Variants in NKX1-2 observed in about 807,000 individuals in gnomAD.
NKX1-2 encodes the protein NK1 transcription factor-related protein 2.
In NKX1-2, 1 loss-of-function variant was observed where a neutral mutation model predicts 4.4. That is an observed-to-expected ratio of 0.23 (90% CI 0.08 to 1.08). The LOEUF is 1.08. NKX1-2 is among the 50% of genes least tolerant of loss of function. NKX1-2 has a pLI of 0.55. For missense variants in NKX1-2, 503 were observed against 464.6 expected (o/e 1.08, Z -0.76); for synonymous variants, 235 against 228.0 (o/e 1.03, Z -0.28).
At position 124,447,705 on chromosome 10, in the gene NKX1-2, C is replaced by A; in HGVS notation, c.657G>T (p.Lys219Asn). The A allele has an allele frequency of 6.9e-7, 1 of 1,455,206 alleles. No individual in the cohort carries two copies. The highest frequency in any genetic ancestry group is 9.1e-7 in the Non-Finnish European group (1 of 1,094,528). The allele number at this position is 1,455,206 out of a possible 1,614,324, so 90.1% of individuals were successfully genotyped here. ...IWFQNRRTKW[K>N]KQNPGADGAA... The stretch of plus-strand genomic sequence containing the variant: ...CGCCGTCGGCACCCGGGTTCTGCTT[C>A]TTCCACTTGGTCCTGCGATTCTGGA... Residue 219 changes from lysine to asparagine, a missense_variant, in exon 2 of 2, where the codon AAG becomes AAT. Lys to Asn is a moderately conservative substitution (Grantham distance 94). Coordinates refer to ENST00000451024, the MANE Select transcript of NKX1-2 (RefSeq NM_001146340.3).
chr10:124,447,453 G>T lies in NKX1-2; in HGVS notation c.909C>A (p.Thr303=), dbSNP rs189534957. The T allele has an allele frequency of 1.0e-5, 13 of 1,258,044 alleles. No individual in the cohort carries two copies. The African/African-American group carries it at 1.9e-4, about 18-fold the overall frequency. The allele number at this position is 1,258,044 out of a possible 1,614,324, so 77.9% of individuals were successfully genotyped here. A position where few individuals can be genotyped will look rare whatever the true frequency, so the allele number is the denominator to read the frequency against. Residue 303 remains threonine (T), a synonymous_variant, in exon 2 of 2, where the codon ACC becomes ACA. Transcript: ENST00000451024. The part of the protein sequence containing the change: ...FAPFLGPSYL[T]PFYAPRL ...TTCATAGACGCGGGGCGTAGAAGGG[G>T]GTCAGGTAGGAAGGCCCAAGGAACG...
rs1219346751 is a variant in NKX1-2, at chr10:124,449,781, C to T, written c.163G>A (p.Ala55Thr). ...EARKSLAEVE[A>T]GKDASSRDPV... The stretch of plus-strand genomic sequence containing the variant: ...TCCCTGGAGCTGGCATCTTTCCCCG[C>T]TTCGACCTCCGCCAAACTTTTCCTG... Residue 55 changes from alanine to threonine, a missense_variant, in exon 1 of 2, where the codon GCG becomes ACG. Coordinates refer to ENST00000451024, the MANE Select transcript of NKX1-2 (RefSeq NM_001146340.3). The surrounding 1 kb of genome is among the most constrained non-coding windows in gnomAD (Gnocchi z 7.5). The T allele has an allele frequency of 6.4e-7, 1 of 1,551,734 alleles. No homozygotes were observed. Among genetic ancestry groups the T allele is most frequent in the Non-Finnish European group, 8.7e-7 (1 of 1,146,992 alleles).
rs1162253258 is a variant in NKX1-2, at chr10:124,448,065, C to A, written c.297G>T (p.Arg99Ser). The part of the protein sequence containing the change: ...AEEEEDAEDP[R>S]RPRLRERAAR... Reference sequence around the variant, plus strand: ...CAGCCCGCTCCCGCAGCCGCGGCCTCCTCGGATCCTCCGCATCCTCCTCCT... The same window carrying A: ...CAGCCCGCTCCCGCAGCCGCGGCCTACTCGGATCCTCCGCATCCTCCTCCT... The change falls in exon 2 of 2, where the codon AGG (arginine) becomes AGT (serine). Residue 99 changes from arginine (R) to serine (S), a missense_variant. Coordinates refer to ENST00000451024, the MANE Select transcript of NKX1-2 (RefSeq NM_001146340.3). This position sits in a 1 kb window ranked among gnomAD's most constrained non-coding sequence, Gnocchi z 4.1. 6.6e-7 allele frequency: 1 copy of A among 1,522,232 alleles called. No individual in the cohort carries two copies. Among genetic ancestry groups the A allele is most frequent in the Non-Finnish European group, 8.8e-7 (1 of 1,140,120 alleles). 94.3% of individuals were successfully genotyped at this position (1,522,232 alleles called of 1,614,324 possible). A position where few individuals can be genotyped will look rare whatever the true frequency, so the allele number is the denominator to read the frequency against.
chr10:124,447,584 C>A lies in NKX1-2; in HGVS notation c.778G>T (p.Ala260Ser). 2 of 1,271,178 alleles carry A rather than the reference C, an allele frequency of 1.6e-6. No homozygotes were observed. The highest frequency in any genetic ancestry group is 2.0e-6 in the Non-Finnish European group (2 of 1,007,216). 78.7% of individuals were successfully genotyped at this position (1,271,178 alleles called of 1,614,324 possible). ...GAGGGGAAAGTCTGGAAGTGCAGAGCGCCGGTGCCGGGAGGGCCAGGACTG... is the reference window on the plus strand; with the variant it reads ...GAGGGGAAAGTCTGGAAGTGCAGAGAGCCGGTGCCGGGAGGGCCAGGACTG... ...GGSPGPPGTG[A>S]LHFQTFPSYS... The change falls in exon 2 of 2, where the codon GCT becomes TCT. Residue 260 changes from alanine (A) to serine (S), a missense_variant. By Grantham distance (99) the Ala-to-Ser change is moderately conservative. Transcript: ENST00000451024.
At position 124,450,004 on chromosome 10, in the gene NKX1-2, T is replaced by C. The variant is rs1420501932; in HGVS notation, c.-61A>G. 5 of 1,158,306 alleles carry C rather than the reference T, an allele frequency of 4.3e-6. No individual in the cohort carries two copies. The African/African-American group carries it at 4.9e-5, about 11-fold the overall frequency. 71.8% of individuals were successfully genotyped at this position (1,158,306 alleles called of 1,614,324 possible). A position where few individuals can be genotyped will look rare whatever the true frequency, so the allele number is the denominator to read the frequency against. ...GGTTGGGGATGGCGCCGCTCGGGCT[T>C]GCCTTCGGCTGTGGCTTGGCGGTAG... On this transcript the variant is annotated 5_prime_UTR_variant, in exon 1 of 2. Transcript: ENST00000451024.
chr10:124,449,846 C>G lies in NKX1-2; in HGVS notation c.98G>C (p.Arg33Pro), dbSNP rs560713656. Residue 33 changes from arginine to proline, a missense_variant, in exon 1 of 2, where the codon CGC becomes CCC. Transcript: ENST00000451024. The surrounding 1 kb of genome is among the most constrained non-coding windows in gnomAD (Gnocchi z 7.5). ...CGGGCGCACGGCAGGGAGCGCTGCG[C>G]GGGTGAATTTCTGTGGGTCCAGGAT... ...LDILDPQKFT[R>P]AALPAVRPAP... The G allele has an allele frequency of 9.0e-6, 14 of 1,551,624 alleles. No individual in the cohort carries two copies. Among genetic ancestry groups the G allele is most frequent in the Admixed American group, 5.9e-5 (3 of 51,014 alleles).
rs920125275 is a variant in NKX1-2 at position 124,448,870 on chromosome 10, G to A, written c.215-723C>T. 6.6e-6 allele frequency among the ~76,000 whole-genome samples: 1 copy of A among 152,172 alleles called. No homozygotes were observed. Among genetic ancestry groups the A allele is most frequent in the Non-Finnish European group, 1.5e-5 (1 of 68,034 alleles). On this transcript the variant is annotated intron_variant, in intron 1 of 1. Transcript: ENST00000451024. The surrounding 1 kb of genome is among the most constrained non-coding windows in gnomAD (Gnocchi z 4.1). ...AACAATTACCAGGCCGCCTGCCTGG[G>A]CCCAAGTGCGGCCGCCAGAGGCGCC...
chr10:124,447,664 C>A lies in NKX1-2; in HGVS notation c.698G>T (p.Gly233Val). 2 of 1,377,706 alleles carry A rather than the reference C, an allele frequency of 1.5e-6. No individual in the cohort carries two copies. The highest frequency in any genetic ancestry group is 1.9e-6 in the Non-Finnish European group (2 of 1,054,790). 85.3% of individuals were successfully genotyped at this position (1,377,706 alleles called of 1,614,324 possible). A position where few individuals can be genotyped will look rare whatever the true frequency, so the allele number is the denominator to read the frequency against. ...CGCCGCCCCTGGCTGGGGCGCGCCACCCCCCACCTGCGCCGCGCCGTCGGC... is the reference window on the plus strand; with the variant it reads ...CGCCGCCCCTGGCTGGGGCGCGCCAACCCCCACCTGCGCCGCGCCGTCGGC... ...PGADGAAQVGGGAPQPGAAGG... is the reference protein window; with the variant it reads ...PGADGAAQVGVGAPQPGAAGG... The change falls in exon 2 of 2, where the codon GGT becomes GTT. Residue 233 changes from glycine (G) to valine (V), a missense_variant. Gly to Val is a moderately radical substitution (Grantham distance 109). Coordinates refer to ENST00000451024, the MANE Select transcript of NKX1-2 (RefSeq NM_001146340.3).
At position 124,447,553 on chromosome 10, in the gene NKX1-2, G is replaced by A. The variant is rs1952252180; in HGVS notation, c.809C>T (p.Ser270Phe). 1.6e-6 allele frequency: 2 copies of A among 1,276,184 alleles called. No homozygotes were observed. Among genetic ancestry groups the A allele is most frequent in the Non-Finnish European group, 2.0e-6 (2 of 1,008,934 alleles). 79.1% of individuals were successfully genotyped at this position (1,276,184 alleles called of 1,614,324 possible). Residue 270 changes from serine (S) to phenylalanine (F), a missense_variant, in exon 2 of 2, where the codon TCC (serine) becomes TTC (phenylalanine). Coordinates refer to ENST00000451024, the MANE Select transcript of NKX1-2 (RefSeq NM_001146340.3). ...ALHFQTFPSY[S>F]AANVLFPSAA... ...GGACGGGAAGAGGACATTGGCCGCG[G>A]AGTAGGAGGGGAAAGTCTGGAAGTG...
chr10:124,447,445 T>A lies in NKX1-2; in HGVS notation c.917A>T (p.Tyr306Phe), dbSNP rs777437629. 2.2e-5 allele frequency: 28 copies of A among 1,253,320 alleles called. No homozygotes were observed. In the East Asian group the frequency reaches 8.5e-4, roughly 38 times the overall value. The allele number at this position is 1,253,320 out of a possible 1,614,324, so 77.6% of individuals were successfully genotyped here. A position where few individuals can be genotyped will look rare whatever the true frequency, so the allele number is the denominator to read the frequency against. Residue 306 changes from tyrosine to phenylalanine, a missense_variant, in exon 2 of 2, where the codon TAC becomes TTC. Physicochemically the swap from Tyr to Phe is conservative, Grantham distance 22. Coordinates refer to ENST00000451024, the MANE Select transcript of NKX1-2 (RefSeq NM_001146340.3). ...FLGPSYLTPF[Y>F]APRL ...GCTCCGGATTCATAGACGCGGGGCG[T>A]AGAAGGGGGTCAGGTAGGAAGGCCC... is the stretch of plus-strand genomic sequence containing the variant.
rs2133790861 is a variant in NKX1-2 at position 124,447,328 on chromosome 10, C to G, written c.*101G>C. ...GGTGCGCGCGGCGGGCAGGGGTGCGCTGACACCCGCGCACCTGCACCCCCG... is the reference window on the plus strand; with the variant it reads ...GGTGCGCGCGGCGGGCAGGGGTGCGGTGACACCCGCGCACCTGCACCCCCG... On this transcript the variant is annotated 3_prime_UTR_variant, in exon 2 of 2. Coordinates refer to ENST00000451024, the MANE Select transcript of NKX1-2 (RefSeq NM_001146340.3). The G allele has an allele frequency of 1.4e-6, 1 of 713,908 alleles. No individual in the cohort carries two copies. Among genetic ancestry groups the G allele is most frequent in the Non-Finnish European group, 1.9e-6 (1 of 522,898 alleles). 44.2% of individuals were successfully genotyped at this position (713,908 alleles called of 1,614,324 possible).
At position 124,447,634 on chromosome 10, in the gene NKX1-2, C is replaced by T. The variant is rs1208853251; in HGVS notation, c.728G>A (p.Gly243Asp). The T allele has an allele frequency of 7.8e-7, 1 of 1,283,436 alleles. No homozygotes were observed. Among genetic ancestry groups the T allele is most frequent in the Non-Finnish European group, 9.8e-7 (1 of 1,015,860 alleles). 79.5% of individuals were successfully genotyped at this position (1,283,436 alleles called of 1,614,324 possible). ...GGAPQPGAAG[G>D]GGGGGSGGSP... ...GCCCCCCGAGCCGCCGCCGCCGCCG[C>T]CCCCCGCCGCCCCTGGCTGGGGCGC... The change falls in exon 2 of 2, where the codon GGC becomes GAC. Residue 243 changes from glycine to aspartate, a missense_variant. Gly to Asp is a moderately conservative substitution (Grantham distance 94). Transcript: ENST00000451024.
Position 124,447,990 on chromosome 10 carries a change from T to C in NKX1-2, c.372A>G (p.Ala124=), listed in dbSNP as rs754463500. The C allele has an allele frequency of 4.0e-6, 6 of 1,481,952 alleles. No homozygotes were observed. In the South Asian group the frequency reaches 7.7e-5, roughly 19 times the overall value. 91.8% of individuals were successfully genotyped at this position (1,481,952 alleles called of 1,614,324 possible). A position where few individuals can be genotyped will look rare whatever the true frequency, so the allele number is the denominator to read the frequency against. ...LARSPDAPAG[A]LASGEPCEDG... is the part of the protein sequence containing the mutation. Reference sequence around the variant, plus strand: ...CCTCGCAGGGCTCCCCAGACGCCAATGCCCCGGCCGGGGCGTCAGGTGAGC... The same window carrying C: ...CCTCGCAGGGCTCCCCAGACGCCAACGCCCCGGCCGGGGCGTCAGGTGAGC... Residue 124 remains alanine, a synonymous_variant, in exon 2 of 2, where the codon GCA becomes GCG. Transcript: ENST00000451024.
Position 124,447,497 on chromosome 10 carries a change from G to A in NKX1-2, c.865C>T (p.Pro289Ser), listed in dbSNP as rs780736242. Residue 289 changes from proline (P) to serine (S), a missense_variant, in exon 2 of 2, where the codon CCC (proline) becomes TCC (serine). By Grantham distance (74) the Pro-to-Ser change is moderately conservative. Transcript: ENST00000451024. ...AASFPLTAAAPGSPFAPFLGP... is the reference protein window; with the variant it reads ...AASFPLTAAASGSPFAPFLGP... ...AGGAACGGCGCGAAAGGGCTCCCGGGGGCGGCAGCCGTCAGCGGGAAGGAG... is the reference window on the plus strand; with the variant it reads ...AGGAACGGCGCGAAAGGGCTCCCGGAGGCGGCAGCCGTCAGCGGGAAGGAG... The A allele has an allele frequency of 2.4e-6, 3 of 1,272,114 alleles. No individual in the cohort carries two copies. Among genetic ancestry groups the A allele is most frequent in the Non-Finnish European group, 3.0e-6 (3 of 1,005,340 alleles). 78.8% of individuals were successfully genotyped at this position (1,272,114 alleles called of 1,614,324 possible).
rs745311466 is a variant in NKX1-2 at position 124,449,691 on chromosome 10, GC to G, written c.214+38del. On this transcript the variant is annotated intron_variant, in intron 1 of 1. Coordinates refer to ENST00000451024, the MANE Select transcript of NKX1-2 (RefSeq NM_001146340.3). The surrounding 1 kb of genome is among the most constrained non-coding windows in gnomAD (Gnocchi z 7.5). ...CCCCCATACACTCCGCATTGTTGGG[GC>G]TGAGGCCTCCTGGGGCCGGGGCCGC... is the stretch of plus-strand genomic sequence containing the variant. 3 of 1,436,864 alleles carry G rather than the reference GC, an allele frequency of 2.1e-6. No individual in the cohort carries two copies. Among genetic ancestry groups the G allele is most frequent in the South Asian group, 1.2e-5 (1 of 81,840 alleles). The allele number at this position is 1,436,864 out of a possible 1,614,324, so 89.0% of individuals were successfully genotyped here. A position where few individuals can be genotyped will look rare whatever the true frequency, so the allele number is the denominator to read the frequency against.
rs1385677065 is a variant in NKX1-2 at position 124,447,905 on chromosome 10, G to A, written c.457C>T (p.Arg153Cys). The A allele has an allele frequency of 7.1e-7, 1 of 1,411,090 alleles. No individual in the cohort carries two copies. Among genetic ancestry groups the A allele is most frequent in the East Asian group, 3.1e-5 (1 of 32,502 alleles). 87.4% of individuals were successfully genotyped at this position (1,411,090 alleles called of 1,614,324 possible). A position where few individuals can be genotyped will look rare whatever the true frequency, so the allele number is the denominator to read the frequency against. Residue 153 changes from arginine (R) to cysteine (C), a missense_variant, in exon 2 of 2, where the codon CGC becomes TGC. Coordinates refer to ENST00000451024, the MANE Select transcript of NKX1-2 (RefSeq NM_001146340.3). ...PGSPGSPRPRRRRLEPNCAKP... is the reference protein window; with the variant it reads ...PGSPGSPRPRCRRLEPNCAKP... Reference sequence around the variant, plus strand: ...GCGCAGTTGGGCTCCAGGCGCCGGCGCCTGGGACGCGGGGAGCCGGGGGAT... The same window carrying A: ...GCGCAGTTGGGCTCCAGGCGCCGGCACCTGGGACGCGGGGAGCCGGGGGAT...
At position 124,448,261 on chromosome 10, in the gene NKX1-2, C is replaced by G; in HGVS notation, c.215-114G>C. On this transcript the variant is annotated intron_variant, in intron 1 of 1. Transcript: ENST00000451024. The surrounding 1 kb of genome is among the most constrained non-coding windows in gnomAD (Gnocchi z 4.1). ...ACCCAACTCTGGGTGCTGCTCCTGTCCCCACATCGCGCTCCCCTTAGGCCG... is the reference window on the plus strand; with the variant it reads ...ACCCAACTCTGGGTGCTGCTCCTGTGCCCACATCGCGCTCCCCTTAGGCCG... The G allele has an allele frequency of 1.5e-6, 2 of 1,315,442 alleles. No individual in the cohort carries two copies. Among genetic ancestry groups the G allele is most frequent in the South Asian group, 4.2e-5 (2 of 47,550 alleles). The allele number at this position is 1,315,442 out of a possible 1,614,324, so 81.5% of individuals were successfully genotyped here.
At position 124,446,372 on chromosome 10, in the gene NKX1-2, T is replaced by C. The variant is rs1952237075; in HGVS notation, c.*1057A>G. The C allele has an allele frequency of 6.6e-6, 1 of 152,192 alleles. No individual in the cohort carries two copies. The highest frequency in any genetic ancestry group is 2.4e-5 in the African/African-American group (1 of 41,450). 9.4% of individuals were successfully genotyped at this position (152,192 alleles called of 1,614,324 possible). A position where few individuals can be genotyped will look rare whatever the true frequency, so the allele number is the denominator to read the frequency against. On this transcript the variant is annotated 3_prime_UTR_variant, in exon 2 of 2. Transcript: ENST00000451024. ...AACAAGAATTGTTTTCAAGTCAGAA[T>C]CCTAGACGAAGATCTAAAAATGTTG...
In NKX1-2 at chr10:124,446,919, G is replaced by C. The variant is rs537572259; in HGVS notation, c.*510C>G. 2 of 152,818 alleles carry C rather than the reference G, an allele frequency of 1.3e-5. No homozygotes were observed. Among genetic ancestry groups the C allele is most frequent in the South Asian group, 2.1e-4 (1 of 4,828 alleles). 9.5% of individuals were successfully genotyped at this position (152,818 alleles called of 1,614,324 possible). ...TTCAGAGCGGCCGTCTGTGCTCCAGGACCAAGCTCTCCCCAGCCTCGTTCA... is the reference window on the plus strand; with the variant it reads ...TTCAGAGCGGCCGTCTGTGCTCCAGCACCAAGCTCTCCCCAGCCTCGTTCA... On this transcript the variant is annotated 3_prime_UTR_variant, in exon 2 of 2. Coordinates refer to ENST00000451024, the MANE Select transcript of NKX1-2 (RefSeq NM_001146340.3).
Sources: gnomAD v4.1 joint callset for allele counts (sites outside exome capture counted in the v4.1 genomes callset) on GRCh38, gnomAD v4.1.1 for gene constraint, Gnocchi (gnomAD v3.1) non-coding constraint, MANE v1.5 for transcripts, NCBI Gene and HGNC (gene_info 2026-07-23, HGNC 2026-07-21) for gene names.